MARCHF1: variants seen among roughly 807,000 people sequenced by gnomAD.
MARCHF1 encodes the protein E3 ubiquitin-protein ligase MARCHF1.
A neutral mutation model predicts 54.2 loss-of-function variants in MARCHF1; 40 were observed. The observed-to-expected ratio is 0.74, with a 90% CI of 0.57 to 0.96. The LOEUF is 0.96. MARCHF1 is among the 40% of genes least tolerant of loss of function. The pLI, the probability that MARCHF1 is intolerant of heterozygous loss-of-function variation, is 0.00. For missense variants in MARCHF1, 586 were observed against 656.5 expected, an observed-to-expected ratio of 0.89 and a Z score of 1.17; for synonymous variants, 236 against 236.3, an observed-to-expected ratio of 1.00 and a Z score of 0.01.
At chr4:164,039,191 C>A (rs1754073437) in intron 2 of MARCHF1, among the ~76,000 whole-genome samples, 1 of 152,146 alleles carries the variant, frequency 6.6e-6, no homozygotes, top group Admixed American at 6.6e-5. Flanking sequence ...ATTTGTTTCA[C>A]TTTTAAAATT....
chr4:164,048,533 G>C (rs1424915368), intron 2 of MARCHF1, among the ~76,000 whole-genome samples: 1 of 151,868 alleles, frequency 6.6e-6, no homozygotes, highest in Non-Finnish European at 1.5e-5. Flanking sequence ...TCTAGAATTG[G>C]ACATTTTCAG....
At chr4:163,712,016 A>G (rs1327043117) in intron 4 of MARCHF1, among the ~76,000 whole-genome samples, 1 of 152,184 alleles carries the variant, frequency 6.6e-6, no homozygotes, top group Non-Finnish European at 1.5e-5. Context: ...CAGTGACTTA[A>G]AAACCTATCA....
intron 3 of MARCHF1, among the ~76,000 whole-genome samples, chr4:163,951,801 T>C (rs994146251): frequency 6.6e-6 from 1 of 152,200 alleles, no homozygotes. Context: ...CTCCTGGTTA[T>C]AGCTTCTCAA....
chr4:164,007,654 G>C (rs201057214), intron 2 of MARCHF1, among the ~76,000 whole-genome samples: 55,289 of 140,006 alleles, frequency 0.39, 10,617 homozygotes, highest in Middle Eastern at 0.47. Flanking sequence ...CTCTGTGTGT[G>C]TGTGTGTGTG....
intron 2 of MARCHF1, among the ~76,000 whole-genome samples, chr4:164,091,184 G>T (rs994341398): frequency 2.6e-5 from 4 of 152,116 alleles, no homozygotes; most frequent in African/African-American, 9.6e-5. Context: ...GTCATTGACA[G>T]ATCCTGTGGA....
intron 2 of MARCHF1, among the ~76,000 whole-genome samples, chr4:164,059,900 CCAT>C (rs956754986): frequency 1.3e-5 from 2 of 151,966 alleles, no homozygotes; most frequent in African/African-American, 4.8e-5. Flanking sequence ...TTTTTGCAAA[CCAT>C]TTGTAGTTTG....
At chr4:163,791,161 A>G (rs1034249244) in intron 4 of MARCHF1, among the ~76,000 whole-genome samples, 1 of 152,164 alleles carries the variant, frequency 6.6e-6, no homozygotes, top group East Asian at 1.9e-4. Context: ...ACTAAGGCAT[A>G]TAAGAATGTG....
chr4:164,309,254 C>CTG (rs10577361), intron 1 of MARCHF1, among the ~76,000 whole-genome samples: 13,041 of 147,770 alleles, frequency 0.088, 1,095 homozygotes, highest in East Asian at 0.29. Context: ...AATTTCTAAC[C>CTG]TGTGTGTGTG....
intron 4 of MARCHF1, among the ~76,000 whole-genome samples, chr4:163,731,956 A>T (rs1231326579): frequency 6.6e-6 from 1 of 152,200 alleles, no homozygotes; most frequent in East Asian, 1.9e-4. Flanking sequence ...ATCCCAGAAC[A>T]AAGCTCAACA....
At chr4:163,564,919 GT>G (rs2110989464) in intron 8 of MARCHF1, among the ~76,000 whole-genome samples, 1 of 151,818 alleles carries the variant, frequency 6.6e-6, no homozygotes, top group African/African-American at 2.4e-5. Flanking sequence ...GTGTGATACT[GT>G]CATAGAGTCT....
intron 4 of MARCHF1, among the ~76,000 whole-genome samples, chr4:163,752,113 T>C (rs1746538359): frequency 6.6e-6 from 1 of 152,230 alleles, no homozygotes. Context: ...AAGACGGCTG[T>C]AATAATGTGT....
chr4:163,682,899 C>T (rs765364637), intron 5 of MARCHF1, among the ~76,000 whole-genome samples: 26 of 152,192 alleles, frequency 1.7e-4, no homozygotes, highest in Non-Finnish European at 2.4e-4. Context: ...GTCTTGGGTA[C>T]GTCTTTATTA....
chr4:163,911,822 G>T (rs1477312777), intron 3 of MARCHF1, among the ~76,000 whole-genome samples: 2 of 152,176 alleles, frequency 1.3e-5, no homozygotes, highest in African/African-American at 4.8e-5. Flanking sequence ...ATCCTACTAT[G>T]CAAGGGGAGA....
intron 3 of MARCHF1, among the ~76,000 whole-genome samples, chr4:163,923,266 T>C (rs1053337216): frequency 1.3e-5 from 2 of 152,144 alleles, no homozygotes; most frequent in African/African-American, 4.8e-5. Flanking sequence ...TATTACCTTA[T>C]ATATGTACTG....
At chr4:163,591,165 C>G (rs1222821315) in intron 7 of MARCHF1, among the ~76,000 whole-genome samples, 1 of 151,832 alleles carries the variant, frequency 6.6e-6, no homozygotes, top group Non-Finnish European at 1.5e-5. Context: ...TAACAGTCTA[C>G]TAAAAGTAGT....
chr4:164,005,263 G>C (rs972411160), intron 2 of MARCHF1, among the ~76,000 whole-genome samples: 1 of 152,002 alleles, frequency 6.6e-6, no homozygotes, highest in Non-Finnish European at 1.5e-5. Flanking sequence ...CGAAAACAAA[G>C]TGTGAGTAGC....
chr4:163,688,088 G>T (rs1579196644), intron 5 of MARCHF1, among the ~76,000 whole-genome samples: 1 of 152,024 alleles, frequency 6.6e-6, no homozygotes, highest in East Asian at 1.9e-4. Context: ...TATCCTCACT[G>T]TAGGACACAT....
chr4:164,188,473 C>T (rs1056098170), intron 1 of MARCHF1: 11 of 659,174 alleles, frequency 1.7e-5, no homozygotes, highest in Non-Finnish European at 1.4e-5. Context: ...CGGTGGTCTG[C>T]GTCGACCTGG....
At chr4:164,011,367 T>C (rs972200137) in intron 2 of MARCHF1, among the ~76,000 whole-genome samples, 1 of 137,538 alleles carries the variant, frequency 7.3e-6, no homozygotes, top group Non-Finnish European at 1.6e-5. Flanking sequence ...GCAAACTGTA[T>C]ACCTGACAAG....
Sources: allele counts gnomAD v4.1 joint callset (sites outside exome capture counted in the v4.1 genomes callset), GRCh38; gene constraint gnomAD v4.1.1; transcripts MANE v1.5; gene names NCBI Gene and HGNC (gene_info 2026-07-23, HGNC 2026-07-21).